MAB21L3: variants seen among roughly 807,000 people sequenced by gnomAD.
MAB21L3 encodes the protein mab-21 like 3, also known as protein mab-21-like 3.
MAB21L3 carries 36 observed loss-of-function variants against 37.7 expected under a neutral mutation model. The observed-to-expected ratio is 0.96, with a 90% confidence interval of 0.73 to 1.26. MAB21L3 has a LOEUF of 1.26. Ranked by LOEUF, MAB21L3 falls within the 50% of genes most tolerant of loss-of-function variation. The pLI is 0.00. For synonymous variants in MAB21L3, 186 were observed against 176.8 expected, an observed-to-expected ratio of 1.05 and a Z score of -0.41; for missense variants, 430 against 447.3, an observed-to-expected ratio of 0.96 and a Z score of 0.35.
rs1660127045 is a variant in MAB21L3, at chr1:116,133,348, C to A, written c.1072C>A (p.Gln358Lys). ...GCTGGCCACCTTCCTGAAGAACCCCCAGATCGGCCCGCCCTGATGGTTGCC... is the reference window on the plus strand; with the variant it reads ...GCTGGCCACCTTCCTGAAGAACCCCAAGATCGGCCCGCCCTGATGGTTGCC... Reference protein sequence around the residue: ...QKLATFLKNPQIGPP With the variant: ...QKLATFLKNPKIGPP The change falls in exon 8 of 8, where the codon CAG becomes AAG. Residue 358 changes from glutamine (Q) to lysine (K), a missense_variant. Transcript: ENST00000369500. 5.0e-6 allele frequency: 8 copies of A among 1,614,222 alleles called. No individual in the cohort carries two copies. The East Asian group carries it at 1.8e-4, about 36-fold the overall frequency.
intron 1 of MAB21L3, among the ~76,000 whole-genome samples, 36 bp from the exon 2 acceptor site, chr1:116,111,593 T>C (rs1659424719): frequency 6.7e-6 from 1 of 148,794 alleles, no homozygotes; most frequent in African/African-American, 2.6e-5. Context: ...TTCAAGGAGA[T>C]CAGACCATTG....
intron 3 of MAB21L3, among the ~76,000 whole-genome samples, chr1:116,118,561 A>T (rs1321114111): frequency 6.6e-6 from 1 of 152,122 alleles, no homozygotes; most frequent in Non-Finnish European, 1.5e-5. Flanking sequence ...GGGGGCCTTA[A>T]CTCACTCAAG....
rs1043989040 is a variant in MAB21L3, at chr1:116,135,226, G to A, written c.*1861G>A. On this transcript the variant is annotated 3_prime_UTR_variant, in exon 8 of 8. Coordinates refer to ENST00000369500, the MANE Select transcript of MAB21L3 (RefSeq NM_152367.3). Reference sequence around the variant, plus strand: ...AAAGGATCAACAAAATTGATAGACTGCTAGCAAGACTAATAAAGAAAAAAA... The same window carrying A: ...AAAGGATCAACAAAATTGATAGACTACTAGCAAGACTAATAAAGAAAAAAA... The A allele has an allele frequency of 5.3e-5, 8 of 151,752 alleles. No individual in the cohort carries two copies. The highest frequency in any genetic ancestry group is 1.9e-4 in the African/African-American group (8 of 41,242). 9.4% of individuals were successfully genotyped at this position (151,752 alleles called of 1,614,324 possible). A position where few individuals can be genotyped will look rare whatever the true frequency, so the allele number is the denominator to read the frequency against.
Position 116,121,028 on chromosome 1 carries a change from T to C in MAB21L3, c.145T>C (p.Phe49Leu). The change falls in exon 4 of 8, where the codon TTT (phenylalanine) becomes CTT (leucine). Residue 49 changes from phenylalanine (F) to leucine (L), a missense_variant. Coordinates refer to ENST00000369500, the MANE Select transcript of MAB21L3 (RefSeq NM_152367.3). ...AAACATCAGCAACCAAGACATTAGA[T>C]TTCAAGCTGTGCCTTACTCTGACAC... ...TTNISNQDIR[F>L]QAVPYSDTYN... 6.2e-7 allele frequency: 1 copy of C among 1,614,142 alleles called. No homozygotes were observed. The highest frequency in any genetic ancestry group is 1.1e-5 in the South Asian group (1 of 91,082).
intron 5 of MAB21L3, among the ~76,000 whole-genome samples, 163 bp from the exon 6 acceptor site, chr1:116,127,303 G>A (rs895013293): frequency 3.3e-5 from 5 of 152,214 alleles, no homozygotes; most frequent in African/African-American, 1.2e-4. Flanking sequence ...AAACCTTGAC[G>A]TGCTACAGGC....
At chr1:116,127,416 A>C in intron 5 of MAB21L3, 50 bp from the exon 6 acceptor site, 1 of 1,567,792 alleles carries the variant, frequency 6.4e-7, no homozygotes. Context: ...GAACGCTTGT[A>C]ATGTGCAAAC....
chr1:116,112,094 C>A (rs1050964636), intron 2 of MAB21L3, among the ~76,000 whole-genome samples: 1 of 152,034 alleles, frequency 6.6e-6, no homozygotes, highest in Non-Finnish European at 1.5e-5. Flanking sequence ...TAAATCAATC[C>A]GTGGGATTTT....
At chr1:116,121,350 A>C (rs1659743132) in intron 4 of MAB21L3, among the ~76,000 whole-genome samples, 3 of 152,154 alleles carry the variant, frequency 2.0e-5, no homozygotes, top group Admixed American at 2.0e-4. Flanking sequence ...ATGTAGTGAG[A>C]TTCTGTCTCT....
At position 116,136,543 on chromosome 1, in the gene MAB21L3, G is replaced by T. The variant is rs12754261; in HGVS notation, c.*3178G>T. Among the ~76,000 whole-genome samples, 13 of 152,064 alleles carry T rather than the reference G, an allele frequency of 8.5e-5. No homozygotes were observed. The highest frequency in any genetic ancestry group is 2.1e-4 in the South Asian group (1 of 4,828). On this transcript the variant is annotated 3_prime_UTR_variant, in exon 8 of 8. Coordinates refer to ENST00000369500, the MANE Select transcript of MAB21L3 (RefSeq NM_152367.3). ...AGAATCAATATCGTCAAAATGGCCA[G>T]ACTGCCCAAGGTAATTTACAGATTC...
At chr1:116,119,322 T>C (rs933875887) in intron 3 of MAB21L3, among the ~76,000 whole-genome samples, 2 of 152,194 alleles carry the variant, frequency 1.3e-5, no homozygotes, top group African/African-American at 4.8e-5. Flanking sequence ...ATATGTGATA[T>C]ACAACGTGTC....
At chr1:116,118,976 C>T (rs557635605) in intron 3 of MAB21L3, among the ~76,000 whole-genome samples, 8 of 152,198 alleles carry the variant, frequency 5.3e-5, no homozygotes, top group African/African-American at 1.2e-4. Context: ...CTTGCTTTGT[C>T]AAGTTATCTA....
intron 4 of MAB21L3, among the ~76,000 whole-genome samples, chr1:116,121,644 C>T (rs1659752282): frequency 6.6e-6 from 1 of 152,128 alleles, no homozygotes; most frequent in African/African-American, 2.4e-5. Context: ...CTGTGGGTTG[C>T]AGATGGGGAA....
At chr1:116,132,215 G>A (rs1660083684) in intron 7 of MAB21L3, among the ~76,000 whole-genome samples, 1 of 152,180 alleles carries the variant, frequency 6.6e-6, no homozygotes. Context: ...AGGCAACATA[G>A]AGCTGAGGAA....
intron 4 of MAB21L3, among the ~76,000 whole-genome samples, chr1:116,121,777 G>A (rs1446969887): frequency 1.3e-5 from 2 of 152,222 alleles, no homozygotes; most frequent in African/African-American, 4.8e-5. Context: ...CAACACAGTA[G>A]TGAGGGCAGA....
At chr1:116,127,359 C>T (rs1570811123) in intron 5 of MAB21L3, 107 bp from the exon 6 acceptor site, 1 of 1,046,288 alleles carries the variant, frequency 9.6e-7, no homozygotes, top group African/African-American at 1.6e-5. Flanking sequence ...GTTGCCACAC[C>T]AGTTGCAAGG....
chr1:116,126,712 T>G (rs1659917230), intron 5 of MAB21L3, among the ~76,000 whole-genome samples: 1 of 152,214 alleles, frequency 6.6e-6, no homozygotes. Context: ...ATTTAGATAT[T>G]TGGGTGGAAT....
intron 3 of MAB21L3, among the ~76,000 whole-genome samples, chr1:116,117,556 CT>C (rs1659627629): frequency 6.6e-6 from 1 of 152,070 alleles, no homozygotes; most frequent in Admixed American, 6.6e-5. Flanking sequence ...CAACTCTTAC[CT>C]TTGGAGGGCT....
Position 116,137,244 on chromosome 1 carries a change from T to G in MAB21L3, c.*3879T>G, listed in dbSNP as rs1262355708. ...CTACTCATCTGACAAAGGGCTAATA[T>G]CCAGAATCTACAATGAACTCAAACA... On this transcript the variant is annotated 3_prime_UTR_variant, in exon 8 of 8. Transcript: ENST00000369500. Among the ~76,000 whole-genome samples the G allele has an allele frequency of 4.6e-5, 5 of 108,294 alleles. No homozygotes were observed. Among genetic ancestry groups the G allele is most frequent in the Admixed American group, 4.1e-4 (5 of 12,076 alleles). The allele number at this position is 108,294 out of a possible 152,430, so 71.0% of individuals were successfully genotyped here.
In MAB21L3 at chr1:116,128,160, T is replaced by C. The variant is rs776747203; in HGVS notation, c.676T>C (p.Leu226=). The change falls in exon 7 of 8, where the codon TTG becomes CTG. Residue 226 remains leucine (L), a synonymous_variant. Transcript: ENST00000369500. ...VECIKSFGFN[L]LACSNYHWQL... ...TTTCTTCCAGTCGTTTGGATTTAAC[T>C]TGTTGGCCTGTTCAAATTATCACTG... 6.2e-7 allele frequency: 1 copy of C among 1,609,072 alleles called. No homozygotes were observed. Among genetic ancestry groups the C allele is most frequent in the Non-Finnish European group, 8.5e-7 (1 of 1,176,618 alleles).
Sources: gnomAD v4.1 joint callset for allele counts (sites outside exome capture counted in the v4.1 genomes callset) on GRCh38, gnomAD v4.1.1 for gene constraint, MANE v1.5 for transcripts, NCBI Gene and HGNC (gene_info 2026-07-23, HGNC 2026-07-21) for gene names.